The following KLF13 variants were observed in gnomAD, a reference collection of about 807,000 sequenced individuals.
KLF13 encodes Krueppel-like factor 13.
Under a neutral mutation model 16.7 loss-of-function variants are expected in KLF13, and 8 were observed. The observed-to-expected ratio is 0.48, with a 90% CI of 0.28 to 0.87. The LOEUF (loss-of-function observed/expected upper bound fraction) is 0.87, where lower values mean the gene tolerates loss of function less well. Among genes scored for constraint, KLF13 ranks in the 40% least tolerant of loss-of-function variants. The pLI, the probability that KLF13 is intolerant of heterozygous loss-of-function variation, is 0.10. For synonymous variants in KLF13, 245 were observed against 208.4 expected (o/e 1.18, Z -1.51); for missense variants, 447 against 452.2 (o/e 0.99, Z 0.10).
intron 1 of KLF13, among the ~76,000 whole-genome samples, chr15:31,348,703 G>A (rs998167853): frequency 6.6e-6 from 1 of 152,108 alleles, no homozygotes; most frequent in Non-Finnish European, 1.5e-5. Context: ...GCATTGTAGA[G>A]TTTAAGCACC....
intron 1 of KLF13, among the ~76,000 whole-genome samples, chr15:31,424,544 T>G (rs2040379277): frequency 6.6e-6 from 1 of 152,160 alleles, no homozygotes; most frequent in Non-Finnish European, 1.5e-5. Flanking sequence ...TTTCAATTGA[T>G]GCAGAAAAAG....
chr15:31,367,015 G>C (rs1409116402), intron 1 of KLF13, among the ~76,000 whole-genome samples: 1 of 152,220 alleles, frequency 6.6e-6, no homozygotes. Context: ...ATTTTAATTT[G>C]TAATTTCTAA....
intron 1 of KLF13, among the ~76,000 whole-genome samples, chr15:31,336,510 C>T (rs1312031346): frequency 1.3e-5 from 2 of 152,184 alleles, no homozygotes; most frequent in Admixed American, 6.5e-5. Flanking sequence ...AGAATTTCCT[C>T]CTCTGATAAA....
At chr15:31,390,470 A>G (rs2039847791), upstream of KLF13, among the ~76,000 whole-genome samples, 2 of 152,184 alleles carry the variant, frequency 1.3e-5, no homozygotes, top group African/African-American at 4.8e-5. Context: ...AACCATTGCT[A>G]CTGATGGGGA....
rs903503032 is a variant in KLF13 at position 31,372,800 on chromosome 15, A to T, written c.*501A>T. 2 of 153,366 alleles carry T rather than the reference A, an allele frequency of 1.3e-5. No individual in the cohort carries two copies. Among genetic ancestry groups the T allele is most frequent in the Non-Finnish European group, 2.9e-5 (2 of 68,840 alleles). The allele number at this position is 153,366 out of a possible 1,614,324, so 9.5% of individuals were successfully genotyped here. On this transcript the variant is annotated 3_prime_UTR_variant, in exon 2 of 2. Transcript: ENST00000307145. ...CAGCTGGCCTGACCTCTTCCTGCCC[A>T]GCCCCCAACCCAGTCTCTGGCCTCT...
intron 1 of KLF13, among the ~76,000 whole-genome samples, chr15:31,427,312 G>A (rs1298624088): frequency 6.6e-6 from 1 of 150,492 alleles, no homozygotes; most frequent in Non-Finnish European, 1.5e-5. Flanking sequence ...CACCCCTTAG[G>A]AGGACCACTG....
In KLF13 at chr15:31,328,084, G is replaced by C. The variant is rs559912592; in HGVS notation, c.577+295G>C. On this transcript the variant is annotated intron_variant, in intron 1 of 1. Transcript: ENST00000307145. Reference sequence around the variant, plus strand: ...GGGCGGATATAGTCATCTGGGCTGGGGGCGGGGACCCCTCCCGGCCGGGAG... The same window carrying C: ...GGGCGGATATAGTCATCTGGGCTGGCGGCGGGGACCCCTCCCGGCCGGGAG... Among the ~76,000 whole-genome samples, 12 of 143,918 alleles carry C rather than the reference G, an allele frequency of 8.3e-5. No homozygotes were observed. In the East Asian group the frequency reaches 2.6e-3, roughly 31 times the overall value. 94.4% of individuals were successfully genotyped at this position (143,918 alleles called of 152,430 possible).
At chr15:31,366,579 G>A (rs2039474973) in intron 1 of KLF13, 1 of 152,436 alleles carries the variant, frequency 6.6e-6, no homozygotes, top group African/African-American at 2.4e-5. Flanking sequence ...TGCTGTTGCT[G>A]TCTGTGTACC....
intron 1 of KLF13, among the ~76,000 whole-genome samples, chr15:31,425,782 C>T (rs1319658076): frequency 6.6e-6 from 1 of 152,160 alleles, no homozygotes; most frequent in African/African-American, 2.4e-5. Flanking sequence ...GAGGCTGAGG[C>T]AGGAGAATTG....
intron 1 of KLF13, among the ~76,000 whole-genome samples, chr15:31,414,641 ACAGT>A (rs1328212763): frequency 1.3e-5 from 2 of 152,352 alleles, no homozygotes; most frequent in South Asian, 2.1e-4. Context: ...ATACTTTATA[ACAGT>A]AAAAGGATTA....
At chr15:31,429,700 TTTATTTA>T (rs2040447311) in intron 1 of KLF13, among the ~76,000 whole-genome samples, 8 of 408 alleles carry the variant, frequency 0.02, no homozygotes, top group South Asian at 0.17. Context: ...GATTCTTTTA[TTTATTTA>T]TTTATTTATT....
chr15:31,329,244 C>A (rs533829819), intron 1 of KLF13, among the ~76,000 whole-genome samples: 4 of 130,382 alleles, frequency 3.1e-5, no homozygotes, highest in African/African-American at 1.2e-4. Flanking sequence ...GAGTTCAGCT[C>A]GGGACGCGGC....
At chr15:31,431,722 CCAAAG>C (rs2040474413) in intron 1 of KLF13, among the ~76,000 whole-genome samples, 1 of 152,212 alleles carries the variant, frequency 6.6e-6, no homozygotes, top group Non-Finnish European at 1.5e-5. Flanking sequence ...CCTCGGCCTC[CCAAAG>C]TGCTGGGATT....
At chr15:31,371,867 AT>A (rs2039559735) in intron 1 of KLF13, 142 bp from the exon 2 acceptor site, 1 of 960,382 alleles carries the variant, frequency 1.0e-6, no homozygotes, top group African/African-American at 1.7e-5. Flanking sequence ...GCCTTGATGG[AT>A]TTGTCACAGA....
At chr15:31,415,399 C>T (rs1209994723) in intron 1 of KLF13, among the ~76,000 whole-genome samples, 1 of 152,152 alleles carries the variant, frequency 6.6e-6, no homozygotes, top group Non-Finnish European at 1.5e-5. Context: ...ATAAAGCATA[C>T]CTCAATAAAT....
chr15:31,349,709 G>C (rs1437866727), intron 1 of KLF13, among the ~76,000 whole-genome samples: 1 of 152,226 alleles, frequency 6.6e-6, no homozygotes, highest in Non-Finnish European at 1.5e-5. Context: ...GGCCAAGCCT[G>C]TGCCCCTGTG....
At chr15:31,378,213 TC>T (rs1481370756), downstream of KLF13, among the ~76,000 whole-genome samples, 2 of 152,088 alleles carry the variant, frequency 1.3e-5, no homozygotes, top group Non-Finnish European at 2.9e-5. Flanking sequence ...ACAGCACCTT[TC>T]CCTCAAAGTC....
intron 1 of KLF13, among the ~76,000 whole-genome samples, chr15:31,364,773 A>G (rs890825210): frequency 2.0e-5 from 3 of 152,212 alleles, no homozygotes; most frequent in Non-Finnish European, 4.4e-5. Context: ...TTACCTGCTC[A>G]GTGGGTGGGT....
chr15:31,358,923 G>A (rs1295327659), intron 1 of KLF13, among the ~76,000 whole-genome samples: 1 of 152,244 alleles, frequency 6.6e-6, no homozygotes, highest in African/African-American at 2.4e-5. Context: ...CAGAGGAAAG[G>A]CGGGGGCAGT....
Sources: gnomAD v4.1 joint callset for allele counts (sites outside exome capture counted in the v4.1 genomes callset) on GRCh38, gnomAD v4.1.1 for gene constraint, MANE v1.5 for transcripts, NCBI Gene and HGNC (gene_info 2026-07-23, HGNC 2026-07-21) for gene names.